The following TRIM67 variants were observed in gnomAD, a reference collection of about 807,000 sequenced individuals.
The protein encoded by TRIM67 is tripartite motif containing 67.
TRIM67 carries 39 observed loss-of-function variants against 71.0 expected under a neutral mutation model. The ratio of observed to expected loss-of-function variants is 0.55; its 90% CI spans 0.43 to 0.72. TRIM67 has a LOEUF of 0.72. TRIM67 is among the 30% of genes least tolerant of loss of function. The pLI is 0.00. For missense variants in TRIM67, 973 were observed against 1,079.2 expected (o/e 0.90, Z 1.38); for synonymous variants, 481 against 473.9 (o/e 1.01, Z -0.19).
intron 1 of TRIM67, among the ~76,000 whole-genome samples, chr1:231,175,656 C>A (rs1396692448): frequency 6.6e-6 from 1 of 152,234 alleles, no homozygotes; most frequent in African/African-American, 2.4e-5. Context: ...CAGCCCATTG[C>A]TCCGAAGGGA....
At chr1:231,195,389 A>G (rs1683339934) in intron 1 of TRIM67, among the ~76,000 whole-genome samples, 1 of 152,216 alleles carries the variant, frequency 6.6e-6, no homozygotes, top group Non-Finnish European at 1.5e-5. Flanking sequence ...AGCAGACCTG[A>G]GACGCTTCTG....
At chr1:231,196,975 G>A (rs1054723237) in intron 1 of TRIM67, among the ~76,000 whole-genome samples, 2 of 152,116 alleles carry the variant, frequency 1.3e-5, no homozygotes, top group Non-Finnish European at 2.9e-5. Flanking sequence ...TGGGGTGGAC[G>A]GAACCTGACC....
Position 231,163,779 on chromosome 1 carries a change from C to G in TRIM67, c.810C>G (p.Thr270=). The G allele has an allele frequency of 6.8e-7, 1 of 1,460,860 alleles. No homozygotes were observed. The highest frequency in any genetic ancestry group is 9.1e-7 in the Non-Finnish European group (1 of 1,103,942). 90.5% of individuals were successfully genotyped at this position (1,460,860 alleles called of 1,614,324 possible). Residue 270 remains threonine, a synonymous_variant, in exon 1 of 10, where the codon ACC becomes ACG. Coordinates refer to ENST00000366653, the MANE Select transcript of TRIM67 (RefSeq NM_001004342.5). ...PAEAASGPTG[T]AQGAPSGGGG... ...AGGCAGCCTCCGGGCCCACTGGCAC[C>G]GCCCAGGGCGCCCCCAGCGGAGGCG...
chr1:231,199,001 C>A, intron 2 of TRIM67, 46 bp from the exon 3 acceptor site: 1 of 1,613,060 alleles, frequency 6.2e-7, no homozygotes, highest in South Asian at 1.1e-5. Flanking sequence ...GCATCTTCCC[C>A]CTAAAACTCT....
chr1:231,209,214 G>A lies in TRIM67; in HGVS notation c.2087G>A (p.Arg696His), dbSNP rs546016137. 5 of 1,584,264 alleles carry A rather than the reference G, an allele frequency of 3.2e-6. No homozygotes were observed. Among genetic ancestry groups the A allele is most frequent in the African/African-American group, 2.7e-5 (2 of 74,476 alleles). Residue 696 changes from arginine to histidine, a missense_variant, in exon 8 of 10, where the codon CGC becomes CAC. Physicochemically the swap from Arg to His is conservative, Grantham distance 29 (BLOSUM62 0). This residue lies in a region of TRIM67 where 178 missense variants were observed against 247.9 expected (regional missense o/e 0.72). Transcript: ENST00000366653. This position sits in a 1 kb window ranked among gnomAD's most constrained non-coding sequence, Gnocchi z 4.1. ...KAWAMYVDNN[R>H]SWFMHCNSHT... ...TGGGCCATGTATGTGGACAACAACCGCAGCTGGTTCATGCACTGCAACTCC... is the reference window on the plus strand; with the variant it reads ...TGGGCCATGTATGTGGACAACAACCACAGCTGGTTCATGCACTGCAACTCC...
chr1:231,174,989 T>C (rs1240949823), intron 1 of TRIM67, among the ~76,000 whole-genome samples: 1 of 152,240 alleles, frequency 6.6e-6, no homozygotes, highest in Non-Finnish European at 1.5e-5. Flanking sequence ...AAAAACTGAA[T>C]GCTGCTTGGA....
At chr1:231,183,620 C>G (rs1289379818) in intron 1 of TRIM67, among the ~76,000 whole-genome samples, 1 of 151,946 alleles carries the variant, frequency 6.6e-6, no homozygotes, top group African/African-American at 2.4e-5. Flanking sequence ...ATCCCTCCCT[C>G]CCAACAAAAA....
chr1:231,220,041 T>C lies in TRIM67; in HGVS notation c.*4601T>C. 4.9e-6 allele frequency: 5 copies of C among 1,013,484 alleles called. No individual in the cohort carries two copies. The Admixed American group carries it at 9.3e-5, about 19-fold the overall frequency. The allele number at this position is 1,013,484 out of a possible 1,614,324, so 62.8% of individuals were successfully genotyped here. A position where few individuals can be genotyped will look rare whatever the true frequency, so the allele number is the denominator to read the frequency against. Reference sequence around the variant, plus strand: ...GTATCCCCACCTGAAATGAGACTAGTCATACTAACCTACCTCCTCTGATGT... The same window carrying C: ...GTATCCCCACCTGAAATGAGACTAGCCATACTAACCTACCTCCTCTGATGT... On this transcript the variant is annotated 3_prime_UTR_variant, in exon 10 of 10. Coordinates refer to ENST00000366653, the MANE Select transcript of TRIM67 (RefSeq NM_001004342.5).
chr1:231,171,827 G>A (rs1682626652), intron 1 of TRIM67, among the ~76,000 whole-genome samples: 1 of 152,200 alleles, frequency 6.6e-6, no homozygotes, highest in South Asian at 2.1e-4. Flanking sequence ...GGGCATGGTG[G>A]TTGATGCCTG....
intron 5 of TRIM67, among the ~76,000 whole-genome samples, chr1:231,203,079 G>A (rs534491444): frequency 1.3e-5 from 2 of 152,226 alleles, no homozygotes; most frequent in African/African-American, 2.4e-5. Context: ...AGCCAGTCCC[G>A]TGCCCAAATT....
At position 231,219,660 on chromosome 1, in the gene TRIM67, G is replaced by T. The variant is rs1452981029; in HGVS notation, c.*4220G>T. ...TTTCCTTGGCCACATTTTACTGGAA[G>T]CAACAGGAACTTCTTAATGGGTTTG... On this transcript the variant is annotated 3_prime_UTR_variant, in exon 10 of 10. Coordinates refer to ENST00000366653, the MANE Select transcript of TRIM67 (RefSeq NM_001004342.5). 7.0e-6 allele frequency: 8 copies of T among 1,148,620 alleles called. No homozygotes were observed. Among genetic ancestry groups the T allele is most frequent in the Non-Finnish European group, 8.7e-6 (8 of 922,458 alleles). 71.2% of individuals were successfully genotyped at this position (1,148,620 alleles called of 1,614,324 possible).
In TRIM67 at chr1:231,163,114, C is replaced by T; in HGVS notation, c.145C>T (p.Leu49Phe). The T allele has an allele frequency of 1.9e-6, 3 of 1,561,590 alleles. No homozygotes were observed. The highest frequency in any genetic ancestry group is 2.6e-6 in the Non-Finnish European group (3 of 1,154,864). ...PDGEQHLPQP[L>F]LLSRGSGLQA... ...CGGTGAGCAGCACCTGCCCCAGCCG[C>T]TCCTGCTTTCCCGGGGATCGGGGCT... Residue 49 changes from leucine to phenylalanine, a missense_variant, in exon 1 of 10, where the codon CTC (leucine) becomes TTC (phenylalanine). By Grantham distance (22) the Leu-to-Phe change is conservative. Transcript: ENST00000366653.
chr1:231,172,682 C>T (rs899690829), intron 1 of TRIM67, among the ~76,000 whole-genome samples: 8 of 152,118 alleles, frequency 5.3e-5, no homozygotes, highest in Non-Finnish European at 1.0e-4. Context: ...TCTGTCCAGA[C>T]GGTGCATAGT....
At chr1:231,198,959 A>G (rs1224524630) in intron 2 of TRIM67, 88 bp from the exon 3 acceptor site, 21 of 1,582,508 alleles carry the variant, frequency 1.3e-5, no homozygotes, top group Non-Finnish European at 1.6e-5. Flanking sequence ...TCTCTGAAAT[A>G]TATCTTTGTC....
intron 1 of TRIM67, chr1:231,187,730 C>T (rs895416426): frequency 6.3e-6 from 4 of 637,922 alleles, no homozygotes; most frequent in African/African-American, 5.6e-5. Context: ...AAGGAAGCCA[C>T]GTGGCTGGGT....
intron 1 of TRIM67, among the ~76,000 whole-genome samples, chr1:231,170,946 T>C (rs1181100021): frequency 2.0e-5 from 3 of 152,214 alleles, no homozygotes; most frequent in African/African-American, 7.2e-5. Context: ...AGCATCAACC[T>C]GGGAGCTCAC....
chr1:231,200,923 C>G (rs116204465), intron 4 of TRIM67, among the ~76,000 whole-genome samples: 6 of 152,074 alleles, frequency 3.9e-5, no homozygotes, highest in South Asian at 2.1e-4. Context: ...AAGAAACACA[C>G]GGGCAGGGGG....
At position 231,215,442 on chromosome 1, in the gene TRIM67, C is replaced by A. The variant is rs1184285684; in HGVS notation, c.*2C>A. The A allele has an allele frequency of 6.2e-7, 1 of 1,606,696 alleles. No homozygotes were observed. Among genetic ancestry groups the A allele is most frequent in the South Asian group, 1.1e-5 (1 of 89,874 alleles). On this transcript the variant is annotated 3_prime_UTR_variant, in exon 10 of 10. Transcript: ENST00000366653. ...CGGCCAAAGCTGTCAGGCAATTAGC[C>A]CCGCTCCAGCTCGGCACTGTGCCTG...
intron 1 of TRIM67, among the ~76,000 whole-genome samples, chr1:231,175,144 C>G (rs1398038780): frequency 9.9e-5 from 15 of 152,238 alleles, no homozygotes; most frequent in Admixed American, 7.9e-4. Flanking sequence ...AATGTCACCA[C>G]ACACCATCAG....
Sources: gnomAD v4.1 joint callset for allele counts (sites outside exome capture counted in the v4.1 genomes callset) on GRCh38, gnomAD v4.1.1 for gene constraint, gnomAD v4.1.1 regional missense constraint, Gnocchi (gnomAD v3.1) non-coding constraint, MANE v1.5 for transcripts, NCBI Gene and HGNC (gene_info 2026-07-23, HGNC 2026-07-21) for gene names.